DESI1: variants seen among roughly 807,000 people sequenced by gnomAD.
DESI1 encodes the protein desumoylating isopeptidase 1.
A neutral mutation model predicts 22.4 loss-of-function variants in DESI1; 17 were observed. The ratio of observed to expected loss-of-function variants is 0.76; its 90% CI spans 0.52 to 1.14. The LOEUF is 1.14. Ranked by LOEUF, DESI1 falls within the 50% of genes most tolerant of loss-of-function variation. The pLI is 0.00. For synonymous variants in DESI1, 92 were observed against 84.2 expected, an observed-to-expected ratio of 1.09 and a Z score of -0.51; for missense variants, 177 against 208.9, an observed-to-expected ratio of 0.85 and a Z score of 0.94.
intron 5 of DESI1, chr22:41,602,620 A>G (rs968577384): frequency 5.1e-6 from 5 of 986,570 alleles, no homozygotes; most frequent in East Asian, 2.3e-4. Flanking sequence ...GCCTGAATGC[A>G]ATCAACGACA....
At chr22:41,620,069 C>T (rs2067576046) in intron 1 of DESI1, among the ~76,000 whole-genome samples, 1 of 152,220 alleles carries the variant, frequency 6.6e-6, no homozygotes, top group South Asian at 2.1e-4. Context: ...CACACAGCCT[C>T]ATCCAAACTT....
In DESI1 at chr22:41,620,882, C is replaced by T. The variant is rs1287120642; in HGVS notation, c.-43G>A. 1.0e-5 allele frequency: 16 copies of T among 1,575,506 alleles called. No homozygotes were observed. The highest frequency in any genetic ancestry group is 1.4e-5 in the Non-Finnish European group (16 of 1,160,826). On this transcript the variant is annotated 5_prime_UTR_variant, in exon 1 of 6. Coordinates refer to ENST00000263256, the MANE Select transcript of DESI1 (RefSeq NM_015704.3). ...GCGGCCACGACGGCCCTCGGGCACC[C>T]GGCAGCGGCTTGGACCTTCCCGTAC...
At chr22:41,607,906 T>G in intron 1 of DESI1, 45 bp from the exon 2 acceptor site, 4 of 1,611,568 alleles carry the variant, frequency 2.5e-6, no homozygotes, top group South Asian at 1.1e-5. Context: ...CTAGAATAAG[T>G]GGCCCCTCAG....
chr22:41,602,821 G>A, intron 5 of DESI1: 1 of 1,036,652 alleles, frequency 9.6e-7, no homozygotes, highest in Non-Finnish European at 1.2e-6. Flanking sequence ...TAGTCGTTGA[G>A]GGAGTCAAAG....
rs2067445226 is a variant in DESI1 at position 41,600,769 on chromosome 22, C to T, written c.*328G>A. On this transcript the variant is annotated 3_prime_UTR_variant, in exon 6 of 6. Coordinates refer to ENST00000263256, the MANE Select transcript of DESI1 (RefSeq NM_015704.3). ...CTGGAAAGAGTTCTAGGTTGGGGCT[C>T]CCGCAAACTGTGACTCGCTTTCTGT... 1 of 263,370 alleles carries T rather than the reference C, an allele frequency of 3.8e-6. No homozygotes were observed. The highest frequency in any genetic ancestry group is 5.1e-5 in the Admixed American group (1 of 19,718). 16.3% of individuals were successfully genotyped at this position (263,370 alleles called of 1,614,324 possible). A position where few individuals can be genotyped will look rare whatever the true frequency, so the allele number is the denominator to read the frequency against.
At chr22:41,609,262 T>C (rs535130863) in intron 1 of DESI1, among the ~76,000 whole-genome samples, 1 of 152,274 alleles carries the variant, frequency 6.6e-6, no homozygotes, top group East Asian at 1.9e-4. Flanking sequence ...TCAGAGATAG[T>C]TAAGGGGACC....
At chr22:41,614,125 C>T (rs2067535244) in intron 1 of DESI1, among the ~76,000 whole-genome samples, 1 of 152,004 alleles carries the variant, frequency 6.6e-6, no homozygotes, top group Non-Finnish European at 1.5e-5. Flanking sequence ...CAACCCCCGC[C>T]TCCCGGGTTC....
intron 1 of DESI1, among the ~76,000 whole-genome samples, chr22:41,617,870 C>T (rs1047985184): frequency 1.3e-5 from 2 of 152,112 alleles, no homozygotes; most frequent in African/African-American, 4.8e-5. Flanking sequence ...ACAGCACTTT[C>T]CCCTTCACCC....
chr22:41,613,073 C>G (rs2067527842), intron 1 of DESI1, among the ~76,000 whole-genome samples: 1 of 152,146 alleles, frequency 6.6e-6, no homozygotes, highest in Non-Finnish European at 1.5e-5. Context: ...AATATGGTGA[C>G]CACTGACCAC....
rs1026707073 is a variant in DESI1 at position 41,620,954 on chromosome 22, C to G, written c.-115G>C. 1 of 1,215,126 alleles carries G rather than the reference C, an allele frequency of 8.2e-7. No homozygotes were observed. The highest frequency in any genetic ancestry group is 1.1e-6 in the Non-Finnish European group (1 of 872,464). 75.3% of individuals were successfully genotyped at this position (1,215,126 alleles called of 1,614,324 possible). ...GGGAGAGGGGGGGACCGAGCCCGGG[C>G]CCGGGCTGAGGGGTGGGGGAGAGGC... On this transcript the variant is annotated 5_prime_UTR_variant, in exon 1 of 6. Coordinates refer to ENST00000263256, the MANE Select transcript of DESI1 (RefSeq NM_015704.3).
Position 41,599,631 on chromosome 22 carries a change from C to CTGGAGGCAGAGA in DESI1, c.*1465_*1466insTCTCTGCCTCCA, listed in dbSNP as rs2067438537. On this transcript the variant is annotated 3_prime_UTR_variant, in exon 6 of 6. Coordinates refer to ENST00000263256, the MANE Select transcript of DESI1 (RefSeq NM_015704.3). ...CTGGAGTGCACTGGTACGATCTCGG[C>CTGGAGGCAGAGA]TCATCGCAATCTCTGCCTCCCGGGT... The CTGGAGGCAGAGA allele has an allele frequency of 6.6e-6, 1 of 152,172 alleles. No individual in the cohort carries two copies. The highest frequency in any genetic ancestry group is 2.4e-5 in the African/African-American group (1 of 41,450). The allele number at this position is 152,172 out of a possible 1,614,324, so 9.4% of individuals were successfully genotyped here.
intron 4 of DESI1, 50 bp from the exon 5 acceptor site, chr22:41,603,431 T>C (rs1187778863): frequency 2.5e-6 from 4 of 1,612,280 alleles, no homozygotes; most frequent in Non-Finnish European, 3.4e-6. Context: ...AGCAAGCGTC[T>C]ATGTGGAATA....
At chr22:41,613,886 A>T (rs1178995295) in intron 1 of DESI1, among the ~76,000 whole-genome samples, 1 of 152,164 alleles carries the variant, frequency 6.6e-6, no homozygotes, top group Non-Finnish European at 1.5e-5. Flanking sequence ...ACCCTACTTT[A>T]TTCTCCTTTA....
intron 5 of DESI1, chr22:41,602,167 C>T: frequency 1.0e-6 from 1 of 972,828 alleles, no homozygotes; most frequent in Non-Finnish European, 1.2e-6. Flanking sequence ...TCAGTGGATA[C>T]TGCCATTTTT....
At chr22:41,609,910 G>A (rs1450474102) in intron 1 of DESI1, among the ~76,000 whole-genome samples, 3 of 149,262 alleles carry the variant, frequency 2.0e-5, no homozygotes, top group Non-Finnish European at 3.0e-5. Context: ...CAACAACCCC[G>A]TTTCTACTAA....
chr22:41,606,355 C>CA (rs57289024), intron 3 of DESI1, among the ~76,000 whole-genome samples: 5,051 of 113,994 alleles, frequency 0.044, 111 homozygotes, highest in Middle Eastern at 0.082. Flanking sequence ...GACCCCGTCT[C>CA]AAAAAAAAAA....
Position 41,603,201 on chromosome 22 carries a change from G to A in DESI1, c.413+58C>T, listed in dbSNP as rs544599981. The A allele has an allele frequency of 2.1e-5, 34 of 1,611,714 alleles. No homozygotes were observed. The African/African-American group carries it at 2.3e-4, about 11-fold the overall frequency. On this transcript the variant is annotated intron_variant, in intron 5 of 5. Coordinates refer to ENST00000263256, the MANE Select transcript of DESI1 (RefSeq NM_015704.3). ...GGGGGCCAGAGGAAGGGCACTGACC[G>A]TGAATGGGGATTTTCAAGGTTGGCC...
In DESI1 at chr22:41,604,049, C is replaced by T. The variant is rs1181396407; in HGVS notation, c.285G>A (p.Leu95=). The change falls in exon 4 of 6, where the codon CTG becomes CTA. Residue 95 remains leucine (L), a synonymous_variant. Coordinates refer to ENST00000263256, the MANE Select transcript of DESI1 (RefSeq NM_015704.3). Reference sequence around the variant, plus strand: ...CCACCCCTGTCTCCACTCACCGGAACAGGGACTCCCCCAGGGAGGAGAGGT... The same window carrying T: ...CCACCCCTGTCTCCACTCACCGGAATAGGGACTCCCCCAGGGAGGAGAGGT... The part of the protein sequence containing the change: ...LEYLSSLGES[L]FRGEAYNLFE... The T allele has an allele frequency of 4.3e-6, 7 of 1,613,366 alleles. No homozygotes were observed. Among genetic ancestry groups the T allele is most frequent in the Non-Finnish European group, 5.9e-6 (7 of 1,179,794 alleles).
chr22:41,602,784 C>CTGT, intron 5 of DESI1: 1 of 1,024,116 alleles, frequency 9.8e-7, no homozygotes, highest in Non-Finnish European at 1.2e-6. Flanking sequence ...GAAGACTGTG[C>CTGT]TGTAATACAT....
Sources: gnomAD v4.1 joint callset for allele counts (sites outside exome capture counted in the v4.1 genomes callset) on GRCh38, gnomAD v4.1.1 for gene constraint, MANE v1.5 for transcripts, NCBI Gene and HGNC (gene_info 2026-07-23, HGNC 2026-07-21) for gene names.